CABLES1: variants seen among roughly 807,000 people sequenced by gnomAD.
CABLES1 encodes Cdk5 and Abl enzyme substrate 1.
Under a neutral mutation model 57.8 loss-of-function variants are expected in CABLES1, and 36 were observed. The ratio of observed to expected loss-of-function variants is 0.62; its 90% CI spans 0.48 to 0.82. CABLES1 has a LOEUF of 0.82. CABLES1 is among the 40% of genes least tolerant of loss of function. CABLES1 has a pLI of 0.00. For synonymous variants in CABLES1, 374 were observed against 363.0 expected (o/e 1.03, Z -0.35); for missense variants, 767 against 836.6 (o/e 0.92, Z 1.03).
At chr18:23,251,560 T>C (rs567480842) in intron 7 of CABLES1, among the ~76,000 whole-genome samples, 1 of 151,880 alleles carries the variant, frequency 6.6e-6, no homozygotes, top group East Asian at 1.9e-4. Flanking sequence ...CAGAAAAAAA[T>C]TGTTTAATTC....
intron 1 of CABLES1, among the ~76,000 whole-genome samples, chr18:23,184,395 T>C (rs1290059752): frequency 6.6e-6 from 1 of 151,934 alleles, no homozygotes; most frequent in Non-Finnish European, 1.5e-5. Flanking sequence ...CTGGATGGCT[T>C]ATAAACAATA....
At chr18:23,181,529 A>G (rs1168102395) in intron 1 of CABLES1, among the ~76,000 whole-genome samples, 1 of 136,494 alleles carries the variant, frequency 7.3e-6, no homozygotes, top group Non-Finnish European at 1.6e-5. Context: ...AAAAAAAAAG[A>G]TGCCCACTAA....
intron 4 of CABLES1, among the ~76,000 whole-genome samples, chr18:23,229,849 G>A (rs2047554332): frequency 6.6e-6 from 1 of 152,036 alleles, no homozygotes; most frequent in Admixed American, 6.6e-5. Context: ...CATAAAGACT[G>A]AGCAGTTGCC....
intron 4 of CABLES1, among the ~76,000 whole-genome samples, chr18:23,231,322 A>G (rs1040104194): frequency 6.6e-6 from 1 of 152,222 alleles, no homozygotes; most frequent in Admixed American, 6.5e-5. Context: ...TTCTCAGTCA[A>G]CTGTTCACAT....
chr18:23,196,387 C>T (rs2047282884), intron 3 of CABLES1, among the ~76,000 whole-genome samples: 3 of 152,086 alleles, frequency 2.0e-5, no homozygotes, highest in Admixed American at 6.5e-5. Flanking sequence ...ATGAAAGGGC[C>T]GGCAGGAGGG....
In CABLES1 at chr18:23,135,948, C is replaced by T. The variant is rs1391424618; in HGVS notation, c.186C>T (p.Arg62=). Residue 62 remains arginine (R), a synonymous_variant, in exon 1 of 10, where the codon CGC becomes CGT. Transcript: ENST00000256925. ...PRKPRMDPRR[R]QAALSFLTNI... is the part of the protein sequence containing the mutation. ...AGCCGCGCATGGACCCGCGGCGCCG[C>T]CAGGCTGCCCTCTCCTTCCTCACCA... is the stretch of plus-strand genomic sequence containing the variant. 2 of 1,132,324 alleles carry T rather than the reference C, an allele frequency of 1.8e-6. No homozygotes were observed. Among genetic ancestry groups the T allele is most frequent in the Non-Finnish European group, 2.2e-6 (2 of 927,244 alleles). The allele number at this position is 1,132,324 out of a possible 1,614,324, so 70.1% of individuals were successfully genotyped here.
intron 7 of CABLES1, among the ~76,000 whole-genome samples, chr18:23,247,346 T>C (rs1319196366): frequency 6.6e-6 from 1 of 152,118 alleles, no homozygotes; most frequent in East Asian, 1.9e-4. Flanking sequence ...CTGGAAAGGG[T>C]GGCCCTGGGC....
At chr18:23,161,367 G>A (rs1193468952) in intron 1 of CABLES1, among the ~76,000 whole-genome samples, 1 of 151,684 alleles carries the variant, frequency 6.6e-6, no homozygotes, top group Admixed American at 6.6e-5. Flanking sequence ...AATTACAGTT[G>A]TGTTAAAAGT....
intron 2 of CABLES1, among the ~76,000 whole-genome samples, chr18:23,191,795 G>A (rs1404088934): frequency 1.3e-5 from 2 of 150,930 alleles, no homozygotes; most frequent in African/African-American, 4.9e-5. Flanking sequence ...TTCATTCTTC[G>A]CTTAACCTGC....
intron 1 of CABLES1, among the ~76,000 whole-genome samples, chr18:23,139,338 G>T (rs2046843099): frequency 6.8e-6 from 1 of 147,626 alleles, no homozygotes; most frequent in South Asian, 2.1e-4. Flanking sequence ...AGGAGGCGGA[G>T]GTTGCAGTGA....
intron 4 of CABLES1, among the ~76,000 whole-genome samples, chr18:23,218,618 G>A (rs1161926657): frequency 1.8e-5 from 2 of 108,334 alleles, no homozygotes; most frequent in African/African-American, 3.8e-5. Flanking sequence ...CCTGGCTCCC[G>A]CATCCTCACT....
chr18:23,166,601 G>A (rs1003124755), intron 1 of CABLES1, among the ~76,000 whole-genome samples: 27 of 152,228 alleles, frequency 1.8e-4, no homozygotes, highest in African/African-American at 6.3e-4. Context: ...TTCAAATTAC[G>A]CATAAACCTA....
chr18:23,139,907 C>T (rs547417581), intron 1 of CABLES1, among the ~76,000 whole-genome samples: 37 of 152,298 alleles, frequency 2.4e-4, no homozygotes, highest in African/African-American at 8.4e-4. Context: ...ACAACTGTCC[C>T]GTCGTACTGG....
chr18:23,208,696 G>C (rs2047382200), intron 3 of CABLES1, among the ~76,000 whole-genome samples: 1 of 152,144 alleles, frequency 6.6e-6, no homozygotes, highest in South Asian at 2.1e-4. Context: ...CCTTTCCAGG[G>C]CTTCCCTACA....
At chr18:23,249,762 G>A (rs1366282577) in intron 7 of CABLES1, among the ~76,000 whole-genome samples, 4 of 152,016 alleles carry the variant, frequency 2.6e-5, no homozygotes, top group African/African-American at 4.8e-5. Flanking sequence ...CCCCGCCCCC[G>A]ACAGCCCTTT....
At chr18:23,173,840 T>A (rs75630415) in intron 1 of CABLES1, among the ~76,000 whole-genome samples, 10,753 of 152,198 alleles carry the variant, frequency 0.071, 1,260 homozygotes, top group African/African-American at 0.24. Context: ...GGCATGTGCC[T>A]GTAGTCCCAG....
chr18:23,210,025 T>C (rs2047393539), intron 3 of CABLES1, among the ~76,000 whole-genome samples: 1 of 152,230 alleles, frequency 6.6e-6, no homozygotes, highest in Non-Finnish European at 1.5e-5. Context: ...TGAGGCTGTG[T>C]GAAAAAGAAA....
At chr18:23,162,099 A>G (rs1337145397) in intron 1 of CABLES1, among the ~76,000 whole-genome samples, 1 of 152,044 alleles carries the variant, frequency 6.6e-6, no homozygotes, top group African/African-American at 2.4e-5. Flanking sequence ...CGGGAGGCAG[A>G]TGTTGCAGTG....
chr18:23,215,364 G>T (rs1261041880), intron 4 of CABLES1, among the ~76,000 whole-genome samples: 1 of 152,136 alleles, frequency 6.6e-6, no homozygotes, highest in African/African-American at 2.4e-5. Context: ...TCATAGACCT[G>T]GTGTGACCCC....
Sources: gnomAD v4.1 joint callset for allele counts (sites outside exome capture counted in the v4.1 genomes callset) on GRCh38, gnomAD v4.1.1 for gene constraint, MANE v1.5 for transcripts, NCBI Gene and HGNC (gene_info 2026-07-23, HGNC 2026-07-21) for gene names.